DPYD: variants seen among roughly 807,000 people sequenced by gnomAD.
DPYD encodes the protein dihydropyrimidine dehydrogenase.
A neutral mutation model predicts 116.2 loss-of-function variants in DPYD; 109 were observed. The observed-to-expected ratio is 0.94, with a 90% CI of 0.80 to 1.10. DPYD has a LOEUF of 1.10. Among genes scored for constraint, DPYD ranks in the 50% least tolerant of loss-of-function variants. The pLI is 0.00. For synonymous variants in DPYD, 440 were observed against 432.0 expected, an observed-to-expected ratio of 1.02 and a Z score of -0.23; for missense variants, 1,302 against 1,254.5, an observed-to-expected ratio of 1.04 and a Z score of -0.57.
At chr1:97,801,998 T>C (rs1422635671) in intron 3 of DPYD, among the ~76,000 whole-genome samples, 1 of 151,838 alleles carries the variant, frequency 6.6e-6, no homozygotes, top group Admixed American at 6.6e-5. Flanking sequence ...AATAAGAAAT[T>C]AAAATTAAAA....
At position 97,367,838 on chromosome 1, in the gene DPYD, T is replaced by C. The variant is rs570664617; in HGVS notation, c.2058+5723A>G. 2.6e-5 allele frequency among the ~76,000 whole-genome samples: 4 copies of C among 152,284 alleles called. No individual in the cohort carries two copies. The South Asian group carries it at 8.3e-4, about 32-fold the overall frequency. On this transcript the variant is annotated intron_variant, in intron 16 of 22. Transcript: ENST00000370192. ...AGGGAAATAACATCTTTGTAGCCTC[T>C]TGGAACTGTTAGGTAAAGAAATCAA... is the stretch of plus-strand genomic sequence containing the variant.
At chr1:97,496,151 T>A (rs1236921232) in intron 13 of DPYD, among the ~76,000 whole-genome samples, 3 of 152,046 alleles carry the variant, frequency 2.0e-5, no homozygotes, top group Non-Finnish European at 4.4e-5. Context: ...TCTTCCCATA[T>A]CTAGCCTCAT....
chr1:97,897,839 T>C (rs1189896939), intron 1 of DPYD, among the ~76,000 whole-genome samples: 1 of 151,936 alleles, frequency 6.6e-6, no homozygotes, highest in Admixed American at 6.6e-5. Flanking sequence ...ATACATTAAT[T>C]TTTATCCTCA....
chr1:97,591,445 A>C (rs1654513040), intron 10 of DPYD, among the ~76,000 whole-genome samples: 1 of 152,214 alleles, frequency 6.6e-6, no homozygotes, highest in Admixed American at 6.5e-5. Context: ...CCTGGTACAT[A>C]ATAGATGCTC....
intron 14 of DPYD, among the ~76,000 whole-genome samples, chr1:97,423,964 A>T (rs540643292): frequency 6.6e-6 from 1 of 152,268 alleles, no homozygotes; most frequent in East Asian, 1.9e-4. Context: ...AAATAGACCT[A>T]GTCCTCCTGA....
chr1:97,709,663 T>C (rs1277495841), intron 5 of DPYD, among the ~76,000 whole-genome samples: 1 of 151,786 alleles, frequency 6.6e-6, no homozygotes, highest in Non-Finnish European at 1.5e-5. Context: ...CCACAGGATT[T>C]TCCCCCAAGT....
chr1:97,394,029 T>C (rs1290813928), intron 14 of DPYD: 4 of 152,200 alleles, frequency 2.6e-5, no homozygotes, highest in African/African-American at 9.6e-5. Context: ...GATTTGCATT[T>C]CTCTGATGGC....
At chr1:97,435,574 T>C (rs1189596249) in intron 14 of DPYD, among the ~76,000 whole-genome samples, 1 of 151,974 alleles carries the variant, frequency 6.6e-6, no homozygotes, top group Non-Finnish European at 1.5e-5. Flanking sequence ...GGATCACAGA[T>C]ATAGTTTAAA....
intron 13 of DPYD, among the ~76,000 whole-genome samples, chr1:97,495,430 A>C (rs1679206792): frequency 6.6e-6 from 1 of 152,172 alleles, no homozygotes; most frequent in Admixed American, 6.6e-5. Flanking sequence ...CAGACTTAAA[A>C]GGGTAAATCA....
chr1:97,403,605 A>G (rs994044868), intron 14 of DPYD, among the ~76,000 whole-genome samples: 7 of 152,010 alleles, frequency 4.6e-5, no homozygotes, highest in Non-Finnish European at 8.8e-5. Flanking sequence ...GGAGTTGTTC[A>G]TAGCACTCTT....
At chr1:97,563,902 T>TTA (rs1475908543) in intron 11 of DPYD, among the ~76,000 whole-genome samples, 1 of 152,126 alleles carries the variant, frequency 6.6e-6, no homozygotes, top group East Asian at 1.9e-4. Context: ...ATGCCAGTAC[T>TTA]TACACTAGAT....
intron 18 of DPYD, among the ~76,000 whole-genome samples, chr1:97,296,715 G>GT (rs1666559168): frequency 6.6e-6 from 1 of 151,934 alleles, no homozygotes; most frequent in Non-Finnish European, 1.5e-5. Context: ...TTGTTAAAGA[G>GT]TACTTCCAAA....
chr1:97,642,843 G>A (rs1389711661), intron 8 of DPYD, among the ~76,000 whole-genome samples: 1 of 150,176 alleles, frequency 6.7e-6, no homozygotes, highest in Non-Finnish European at 1.5e-5. Flanking sequence ...TAACTAACCT[G>A]CACATTGTGC....
chr1:97,531,154 C>T (rs1182881347), intron 12 of DPYD, among the ~76,000 whole-genome samples: 2 of 152,094 alleles, frequency 1.3e-5, no homozygotes, highest in African/African-American at 2.4e-5. Context: ...CTTTTGTTGA[C>T]TGCACTTTTG....
At chr1:97,368,835 G>A (rs1212595505) in intron 16 of DPYD, among the ~76,000 whole-genome samples, 1 of 152,214 alleles carries the variant, frequency 6.6e-6, no homozygotes, top group Non-Finnish European at 1.5e-5. Flanking sequence ...AGTGTCAGAG[G>A]AGCCTAGTTA....
chr1:97,173,279 C>CACACATATGTACATATATACGT (rs548861757), intron 20 of DPYD, among the ~76,000 whole-genome samples: 2 of 140,892 alleles, frequency 1.4e-5, no homozygotes, highest in East Asian at 4.1e-4. Flanking sequence ...CATATATATG[C>CACACATATGTACATATATACGT]ACACATATAT....
chr1:97,835,355 T>C (rs1669719344), intron 2 of DPYD, among the ~76,000 whole-genome samples: 1 of 152,078 alleles, frequency 6.6e-6, no homozygotes, highest in African/African-American at 2.4e-5. Context: ...TAAAAACATG[T>C]ATGTGAAAAT....
At chr1:97,793,553 A>G (rs1406319877) in intron 3 of DPYD, among the ~76,000 whole-genome samples, 1 of 152,200 alleles carries the variant, frequency 6.6e-6, no homozygotes, top group African/African-American at 2.4e-5. Flanking sequence ...CCACAAATAT[A>G]CTGACAACTG....
chr1:97,597,716 T>C (rs1290946691), intron 8 of DPYD, among the ~76,000 whole-genome samples: 2 of 152,222 alleles, frequency 1.3e-5, no homozygotes, highest in Non-Finnish European at 2.9e-5. Context: ...AAATTCTGTC[T>C]TAAGTCTGCA....
Sources: allele counts gnomAD v4.1 joint callset (sites outside exome capture counted in the v4.1 genomes callset), GRCh38; gene constraint gnomAD v4.1.1; transcripts MANE v1.5; gene names NCBI Gene and HGNC (gene_info 2026-07-23, HGNC 2026-07-21).